The following UBOX5 variants were observed in gnomAD, a reference collection of about 807,000 sequenced individuals.
UBOX5 encodes the protein RING finger protein 37.
In UBOX5, 28 loss-of-function variants were observed where a neutral mutation model predicts 39.0. That is an observed-to-expected ratio of 0.72 (90% CI 0.53 to 0.98). The LOEUF (loss-of-function observed/expected upper bound fraction) is 0.98, where lower values mean the gene tolerates loss of function less well. Ranked by LOEUF, UBOX5 falls within the 50% of genes least tolerant of loss-of-function variation. The pLI, the probability that UBOX5 is intolerant of heterozygous loss-of-function variation, is 0.00. For synonymous variants in UBOX5, 283 were observed against 275.5 expected (o/e 1.03, Z -0.27); for missense variants, 585 against 674.4 (o/e 0.87, Z 1.47).
intron 1 of UBOX5, chr20:3,151,620 A>AAAAAT (rs1196979713): frequency 2.0e-5 from 3 of 151,974 alleles, no homozygotes; most frequent in African/African-American, 7.2e-5. Flanking sequence ...AGACTGTCTA[A>AAAAAT]AAAATAAAAT....
At chr20:3,115,145 A>G (rs908412428) in intron 4 of UBOX5, among the ~76,000 whole-genome samples, 160 bp downstream of exon 4, 3 of 152,154 alleles carry the variant, frequency 2.0e-5, no homozygotes, top group Non-Finnish European at 2.9e-5. Flanking sequence ...ACCCCTGGAA[A>G]AGGCAAGAGA....
chr20:3,113,368 G>A (rs559724757), intron 4 of UBOX5, among the ~76,000 whole-genome samples: 65 of 152,134 alleles, frequency 4.3e-4, no homozygotes, highest in African/African-American at 1.6e-3. Context: ...GAGACATGGG[G>A]GCTCCAGCAG....
chr20:3,133,324 G>A (rs545257256), intron 1 of UBOX5, among the ~76,000 whole-genome samples: 5 of 152,188 alleles, frequency 3.3e-5, no homozygotes, highest in East Asian at 1.9e-4. Flanking sequence ...CCAGAAAGAC[G>A]GCCTCCCTAG....
At chr20:3,147,130 C>T in intron 1 of UBOX5, 9 of 1,613,838 alleles carry the variant, frequency 5.6e-6, no homozygotes, top group Non-Finnish European at 7.6e-6. Context: ...CAGGCTCTGA[C>T]TCAGTTTTGC....
At chr20:3,141,799 G>T (rs987009336) in intron 1 of UBOX5, among the ~76,000 whole-genome samples, 1 of 152,076 alleles carries the variant, frequency 6.6e-6, no homozygotes, top group Admixed American at 6.6e-5. Context: ...TATTGCTTGA[G>T]CCCAAGAGTT....
At chr20:3,150,619 C>CTT (rs2066614615) in intron 1 of UBOX5, 1 of 152,188 alleles carries the variant, frequency 6.6e-6, no homozygotes, top group East Asian at 1.9e-4. Flanking sequence ...GCAGAAAACT[C>CTT]CATAAAAGTT....
intron 1 of UBOX5, among the ~76,000 whole-genome samples, chr20:3,157,868 T>C (rs1018071355): frequency 8.5e-5 from 13 of 152,206 alleles, no homozygotes; most frequent in African/African-American, 3.1e-4. Context: ...AGTACATACT[T>C]CAGACAAATA....
At chr20:3,127,479 C>T (rs2066399901) in intron 1 of UBOX5, among the ~76,000 whole-genome samples, 1 of 152,146 alleles carries the variant, frequency 6.6e-6, no homozygotes, top group Non-Finnish European at 1.5e-5. Context: ...TTCATATATG[C>T]TAAATTTTCT....
At chr20:3,138,493 G>A (rs2066490049) in intron 1 of UBOX5, among the ~76,000 whole-genome samples, 1 of 152,082 alleles carries the variant, frequency 6.6e-6, no homozygotes, top group African/African-American at 2.4e-5. Flanking sequence ...CAGCGGAGAA[G>A]ACTGAGATTT....
At chr20:3,120,856 A>T (rs995235258) in intron 3 of UBOX5, among the ~76,000 whole-genome samples, 1 of 152,126 alleles carries the variant, frequency 6.6e-6, no homozygotes, top group Non-Finnish European at 1.5e-5. Flanking sequence ...CTGTGTCCTC[A>T]TGCCACATGG....
chr20:3,133,694 A>G (rs1033482650), intron 1 of UBOX5, among the ~76,000 whole-genome samples: 2 of 149,912 alleles, frequency 1.3e-5, no homozygotes, highest in African/African-American at 4.9e-5. Context: ...AAAACCCAGC[A>G]CCTATCCTAT....
At chr20:3,155,375 C>CA in intron 1 of UBOX5, among the ~76,000 whole-genome samples, 1 of 152,066 alleles carries the variant, frequency 6.6e-6, no homozygotes, top group East Asian at 1.9e-4. Flanking sequence ...CCTAAAAATA[C>CA]AAAAAATTAG....
chr20:3,136,606 C>T (rs1316396180), intron 1 of UBOX5, among the ~76,000 whole-genome samples: 3 of 152,090 alleles, frequency 2.0e-5, no homozygotes, highest in Non-Finnish European at 4.4e-5. Context: ...CCACCCACCT[C>T]AGCCTCCCAA....
In UBOX5 at chr20:3,107,812, T is replaced by A. The variant is rs1041310820; in HGVS notation, c.*2294A>T. 2 of 152,090 alleles carry A rather than the reference T, an allele frequency of 1.3e-5. No homozygotes were observed. The highest frequency in any genetic ancestry group is 4.8e-5 in the African/African-American group (2 of 41,374). 9.4% of individuals were successfully genotyped at this position (152,090 alleles called of 1,614,324 possible). On this transcript the variant is annotated 3_prime_UTR_variant, in exon 5 of 5. Transcript: ENST00000217173. This position sits in a 1 kb window ranked among gnomAD's most constrained non-coding sequence, Gnocchi z 5.0. ...GAGCAGTCTTGGGGGCAGGAGCCTG[T>A]TAGAAATGCAGATCCCCAGGGACCT...
chr20:3,135,713 TG>T (rs2066465302), intron 1 of UBOX5, among the ~76,000 whole-genome samples: 1 of 151,990 alleles, frequency 6.6e-6, no homozygotes, highest in African/African-American at 2.4e-5. Flanking sequence ...CATATATATG[TG>T]AACACACAAA....
intron 4 of UBOX5, among the ~76,000 whole-genome samples, chr20:3,114,804 C>T (rs988287793): frequency 3.3e-5 from 5 of 151,884 alleles, no homozygotes; most frequent in Non-Finnish European, 7.4e-5. Flanking sequence ...AAAAATTAGC[C>T]GGGCATGGTG....
chr20:3,144,482 C>T (rs892102020), intron 1 of UBOX5, among the ~76,000 whole-genome samples: 15 of 152,084 alleles, frequency 9.9e-5, no homozygotes, highest in African/African-American at 2.9e-4. Flanking sequence ...TAAAAATTAA[C>T]TCAATGTGAT....
chr20:3,152,110 A>AG (rs2066633613), intron 1 of UBOX5, among the ~76,000 whole-genome samples: 1 of 150,386 alleles, frequency 6.6e-6, no homozygotes, highest in Admixed American at 6.6e-5. Flanking sequence ...CAAAAAAAAA[A>AG]AAAAAAAAAA....
At chr20:3,139,754 G>A (rs113563049) in intron 1 of UBOX5, among the ~76,000 whole-genome samples, 5 of 151,054 alleles carry the variant, frequency 3.3e-5, no homozygotes, top group Non-Finnish European at 5.9e-5. Flanking sequence ...GTGTCACCTC[G>A]GCTGGAGAGC....
Sources: allele counts gnomAD v4.1 joint callset (sites outside exome capture counted in the v4.1 genomes callset), GRCh38; gene constraint gnomAD v4.1.1; non-coding constraint Gnocchi (gnomAD v3.1); transcripts MANE v1.5; gene names NCBI Gene and HGNC (gene_info 2026-07-23, HGNC 2026-07-21).